The following PGS1 variants were observed in gnomAD, a reference collection of about 807,000 sequenced individuals.
The protein encoded by PGS1 is phosphatidylglycerophosphate synthase 1.
In PGS1, 44 loss-of-function variants were observed where a neutral mutation model predicts 58.3. The ratio of observed to expected loss-of-function variants is 0.75; its 90% CI spans 0.59 to 0.97. PGS1 has a LOEUF of 0.97. PGS1 is among the 50% of genes least tolerant of loss of function. The pLI is 0.00. For synonymous variants in PGS1, 330 were observed against 311.0 expected, an observed-to-expected ratio of 1.06 and a Z score of -0.64; for missense variants, 684 against 731.1, an observed-to-expected ratio of 0.94 and a Z score of 0.74.
At chr17:78,414,758 A>T in intron 7 of PGS1, 121 bp from the exon 8 acceptor site, 1 of 1,096,766 alleles carries the variant, frequency 9.1e-7, no homozygotes, top group South Asian at 1.4e-5. Context: ...GCTCTGCAGC[A>T]GCCCCTCGTG....
intron 1 of PGS1, among the ~76,000 whole-genome samples, chr17:78,389,031 C>T (rs1426791564): frequency 2.0e-5 from 3 of 146,898 alleles, no homozygotes; most frequent in Non-Finnish European, 4.5e-5. Flanking sequence ...TGCTATGTGC[C>T]AAGGAGTGTT....
At chr17:78,396,525 A>G (rs2083239491) in intron 3 of PGS1, 140 bp downstream of exon 3, 2 of 643,796 alleles carry the variant, frequency 3.1e-6, no homozygotes, top group South Asian at 1.9e-5. Context: ...TTGTTGCCCC[A>G]GATATGGGCA....
At chr17:78,401,784 G>GGA (rs2083685461) in intron 6 of PGS1, among the ~76,000 whole-genome samples, 1 of 152,208 alleles carries the variant, frequency 6.6e-6, no homozygotes, top group Non-Finnish European at 1.5e-5. Context: ...AAGAGCTTGT[G>GGA]GAGCTCTGTA....
chr17:78,384,306 A>G (rs1216731646), intron 1 of PGS1, among the ~76,000 whole-genome samples: 2 of 152,134 alleles, frequency 1.3e-5, no homozygotes, highest in Admixed American at 1.3e-4. Context: ...TAGGTCTTGC[A>G]TTAGTCAGGA....
intron 3 of PGS1, chr17:78,398,041 G>A: frequency 1.6e-6 from 1 of 631,460 alleles, no homozygotes; most frequent in Non-Finnish European, 2.9e-6. Context: ...CTGGAGGCCT[G>A]GGCCGATCAG....
Position 78,410,560 on chromosome 17 carries a change from G to A in PGS1, c.1403-4319G>A, listed in dbSNP as rs529461166. On this transcript the variant is annotated intron_variant, in intron 7 of 9. Transcript: ENST00000262764. ...GTGGTCTTGGCTCACTGCAACCTCCGCCTCCTGGGTTTAAGCCATTCTTCT... is the reference window on the plus strand; with the variant it reads ...GTGGTCTTGGCTCACTGCAACCTCCACCTCCTGGGTTTAAGCCATTCTTCT... 1.8e-4 allele frequency among the ~76,000 whole-genome samples: 23 copies of A among 131,098 alleles called. 1 individual carries two copies. The highest frequency in any genetic ancestry group is 1.3e-3 in the South Asian group (5 of 3,994). 86.0% of individuals were successfully genotyped at this position (131,098 alleles called of 152,430 possible). A position where few individuals can be genotyped will look rare whatever the true frequency, so the allele number is the denominator to read the frequency against.
chr17:78,408,976 G>C (rs1039045422), intron 7 of PGS1, among the ~76,000 whole-genome samples: 2 of 152,230 alleles, frequency 1.3e-5, no homozygotes, highest in African/African-American at 4.8e-5. Flanking sequence ...GGCAGGAGCA[G>C]CCCGGCCTTG....
At chr17:78,422,096 A>G (rs982803545) in intron 9 of PGS1, among the ~76,000 whole-genome samples, 1 of 152,220 alleles carries the variant, frequency 6.6e-6, no homozygotes. Context: ...CAGGATCTAA[A>G]GGCAAAATGG....
intron 9 of PGS1, chr17:78,423,660 C>T (rs1034543625): frequency 1.0e-5 from 5 of 490,126 alleles, no homozygotes; most frequent in South Asian, 2.8e-5. Context: ...AACCAGGCCT[C>T]ACAGTGGCCA....
chr17:78,382,298 T>G (rs2082087865), intron 1 of PGS1, among the ~76,000 whole-genome samples: 1 of 152,002 alleles, frequency 6.6e-6, no homozygotes. Context: ...GGAAGACAAG[T>G]TCTGAGATTC....
At chr17:78,419,074 A>G (rs72921263) in intron 8 of PGS1, among the ~76,000 whole-genome samples, 24,632 of 151,864 alleles carry the variant, frequency 0.16, 2,108 homozygotes, top group Middle Eastern at 0.2. Context: ...CAGTGGCAGC[A>G]TCACAGCTCA....
intron 2 of PGS1, among the ~76,000 whole-genome samples, chr17:78,395,060 GAA>G (rs1478778238): frequency 1.3e-5 from 2 of 152,178 alleles, no homozygotes; most frequent in African/African-American, 2.4e-5. Flanking sequence ...CATCTGGGCT[GAA>G]GTGTGGGCAG....
chr17:78,390,684 T>G (rs1009053990), intron 1 of PGS1, among the ~76,000 whole-genome samples: 2 of 152,172 alleles, frequency 1.3e-5, no homozygotes, highest in African/African-American at 4.8e-5. Context: ...AGGACTAGGA[T>G]TCATAGTAGG....
At chr17:78,414,203 C>T (rs1363573823) in intron 7 of PGS1, among the ~76,000 whole-genome samples, 2 of 152,204 alleles carry the variant, frequency 1.3e-5, no homozygotes, top group Non-Finnish European at 2.9e-5. Context: ...GTTCCTCAGT[C>T]AGAAGGGCAC....
chr17:78,418,354 G>C (rs753618017), intron 8 of PGS1, among the ~76,000 whole-genome samples: 56 of 152,134 alleles, frequency 3.7e-4, no homozygotes, highest in Admixed American at 1.4e-3. Context: ...CCATTGTGAT[G>C]ATTGGCCGCC....
intron 9 of PGS1, among the ~76,000 whole-genome samples, chr17:78,422,345 TG>T (rs2085894815): frequency 6.6e-6 from 1 of 152,166 alleles, no homozygotes; most frequent in East Asian, 1.9e-4. Flanking sequence ...ATAGCCCTAC[TG>T]GGCGCTAAGA....
chr17:78,411,639 GCACGTCTCCCTCATCTGATGGTTC>G (rs1396590387), intron 7 of PGS1, among the ~76,000 whole-genome samples: 1 of 152,178 alleles, frequency 6.6e-6, no homozygotes, highest in Admixed American at 6.5e-5. Context: ...CGTTCCTGCT[GCACGTCTCCCTCATCTGATGGTTC>G]CTGGAATAGT....
chr17:78,387,203 C>T (rs902105416), intron 1 of PGS1, among the ~76,000 whole-genome samples: 7 of 151,668 alleles, frequency 4.6e-5, no homozygotes, highest in Non-Finnish European at 7.4e-5. Flanking sequence ...GGGGTTTTGC[C>T]ATGTTGGCTA....
At chr17:78,395,899 G>A (rs960032220) in intron 2 of PGS1, among the ~76,000 whole-genome samples, 3 of 152,188 alleles carry the variant, frequency 2.0e-5, no homozygotes, top group African/African-American at 7.2e-5. Context: ...CCACCATGGC[G>A]TGGCTAATCT....
Sources: gnomAD v4.1 joint callset for allele counts (sites outside exome capture counted in the v4.1 genomes callset) on GRCh38, gnomAD v4.1.1 for gene constraint, MANE v1.5 for transcripts, NCBI Gene and HGNC (gene_info 2026-07-23, HGNC 2026-07-21) for gene names.